Variants in NDUFS5 observed in about 807,000 individuals in gnomAD.
NDUFS5 encodes the protein NADH dehydrogenase [ubiquinone] iron-sulfur protein 5.
A neutral mutation model predicts 10.5 loss-of-function variants in NDUFS5; 7 were observed. The observed-to-expected ratio is 0.66, with a 90% CI of 0.38 to 1.25. NDUFS5 has a LOEUF of 1.25. Ranked by LOEUF, NDUFS5 falls within the 50% of genes most tolerant of loss-of-function variation. The probability of loss-of-function intolerance (pLI) is 0.02; values close to 1 mark genes in which losing one functional copy is unlikely to be tolerated. For missense variants in NDUFS5, 148 were observed against 140.7 expected (o/e 1.05, Z -0.26); for synonymous variants, 38 against 44.0 (o/e 0.86, Z 0.54).
At position 39,031,110 on chromosome 1, in the gene NDUFS5, T is replaced by C. The variant is rs551321104; in HGVS notation, c.216+2170T>C. Among the ~76,000 whole-genome samples the C allele has an allele frequency of 5.3e-5, 8 of 152,224 alleles. No individual in the cohort carries two copies. The East Asian group carries it at 1.2e-3, about 22-fold the overall frequency. The stretch of plus-strand genomic sequence containing the variant: ...ATCTCGAACTCCTGAGCTCAGGTGA[T>C]CTGCCTGCCTTGGCCTCCCAAAATG... On this transcript the variant is annotated intron_variant, in intron 2 of 2. Transcript: ENST00000372969.
At chr1:39,032,884 G>A (rs1284180276) in intron 2 of NDUFS5, among the ~76,000 whole-genome samples, 1 of 152,180 alleles carries the variant, frequency 6.6e-6, no homozygotes, top group Non-Finnish European at 1.5e-5. Flanking sequence ...TGAGCTGACT[G>A]GAGGGAGCTA....
intron 2 of NDUFS5, among the ~76,000 whole-genome samples, chr1:39,031,830 A>G (rs1451766860): frequency 2.6e-5 from 4 of 152,214 alleles, no homozygotes; most frequent in Non-Finnish European, 4.4e-5. Context: ...AGTTCTTAGC[A>G]TATTATAATG....
At chr1:39,030,663 T>A (rs998792350) in intron 2 of NDUFS5, among the ~76,000 whole-genome samples, 2 of 147,426 alleles carry the variant, frequency 1.4e-5, no homozygotes, top group Non-Finnish European at 3.0e-5. Flanking sequence ...GAGCTTGCAG[T>A]GAGTCGAGAT....
At chr1:39,030,722 GA>G (rs71057183) in intron 2 of NDUFS5, among the ~76,000 whole-genome samples, 98,847 of 141,294 alleles carry the variant, frequency 0.7, 36,190 homozygotes, top group Non-Finnish European at 0.84. Flanking sequence ...TCTGTCTCAA[GA>G]AAAAAAAAAA....
Position 39,026,405 on chromosome 1 carries a change from A to G in NDUFS5, c.-3+3A>G, listed in dbSNP as rs968849917. On this transcript the variant is annotated splice_donor_region_variant and intron_variant, in intron 1 of 2. Coordinates refer to ENST00000372969, the MANE Select transcript of NDUFS5 (RefSeq NM_004552.3). The stretch of plus-strand genomic sequence containing the variant: ...TCAAGGGCACGAGCATCGGGTAGGT[A>G]GGGGCTGCTTATGTCCGCGCGGCAG... 6.6e-6 allele frequency: 1 copy of G among 152,190 alleles called. No individual in the cohort carries two copies. Among genetic ancestry groups the G allele is most frequent in the Non-Finnish European group, 1.5e-5 (1 of 68,080 alleles). 9.4% of individuals were successfully genotyped at this position (152,190 alleles called of 1,614,324 possible). A position where few individuals can be genotyped will look rare whatever the true frequency, so the allele number is the denominator to read the frequency against.
At position 39,034,547 on chromosome 1, in the gene NDUFS5, C is replaced by T; in HGVS notation, c.*51C>T. ...GCTGATTTTCCTGTTCTCTGTTCTC[C>T]ACTGGAAAGGTTGTTTACGACAAAC... On this transcript the variant is annotated 3_prime_UTR_variant, in exon 3 of 3. Transcript: ENST00000372969. 1.3e-6 allele frequency: 2 copies of T among 1,507,720 alleles called. No homozygotes were observed. Among genetic ancestry groups the T allele is most frequent in the Non-Finnish European group, 1.8e-6 (2 of 1,085,158 alleles). 93.4% of individuals were successfully genotyped at this position (1,507,720 alleles called of 1,614,324 possible). A position where few individuals can be genotyped will look rare whatever the true frequency, so the allele number is the denominator to read the frequency against.
At chr1:39,033,989 C>T (rs1490422137) in intron 2 of NDUFS5, among the ~76,000 whole-genome samples, 1 of 151,728 alleles carries the variant, frequency 6.6e-6, no homozygotes, top group African/African-American at 2.4e-5. Flanking sequence ...TTAGTAGAAA[C>T]AAGGTTTTAC....
rs371689311 is a variant in NDUFS5, at chr1:39,034,523, C to T, written c.*27C>T. 1.8e-4 allele frequency: 292 copies of T among 1,589,208 alleles called. No individual in the cohort carries two copies. Among genetic ancestry groups the T allele is most frequent in the Non-Finnish European group, 1.6e-4 (184 of 1,157,902 alleles). ...CAGAGCAGCTGCTGATGTCTGGAGGCTGATTTTCCTGTTCTCTGTTCTCCA... is the reference window on the plus strand; with the variant it reads ...CAGAGCAGCTGCTGATGTCTGGAGGTTGATTTTCCTGTTCTCTGTTCTCCA... On this transcript the variant is annotated 3_prime_UTR_variant, in exon 3 of 3. Transcript: ENST00000372969.
intron 2 of NDUFS5, among the ~76,000 whole-genome samples, chr1:39,034,002 T>C (rs1194523779): frequency 1.3e-5 from 2 of 151,722 alleles, no homozygotes; most frequent in African/African-American, 2.4e-5. Context: ...GGTTTTACCT[T>C]GTTGGCCAGT....
chr1:39,030,844 G>T (rs1644185982), intron 2 of NDUFS5, among the ~76,000 whole-genome samples: 1 of 152,154 alleles, frequency 6.6e-6, no homozygotes, highest in Non-Finnish European at 1.5e-5. Flanking sequence ...TGCTGGTTCT[G>T]CCACCACTCA....
At chr1:39,028,553 A>G (rs556952486) in intron 1 of NDUFS5, among the ~76,000 whole-genome samples, 170 bp from the exon 2 acceptor site, 1 of 152,226 alleles carries the variant, frequency 6.6e-6, no homozygotes, top group Non-Finnish European at 1.5e-5. Context: ...CATAAACTGG[A>G]AGAACCTATT....
intron 1 of NDUFS5, among the ~76,000 whole-genome samples, chr1:39,026,788 T>TC (rs1354944851): frequency 1.3e-5 from 2 of 152,202 alleles, no homozygotes; most frequent in Non-Finnish European, 2.9e-5. Flanking sequence ...AGCCAGCACT[T>TC]CCGGCTGTAA....
In NDUFS5 at chr1:39,028,805, C is replaced by A. The variant is rs372007959; in HGVS notation, c.81C>A (p.Tyr27Ter). The A allele has an allele frequency of 6.2e-7, 1 of 1,613,906 alleles. No homozygotes were observed. Among genetic ancestry groups the A allele is most frequent in the African/African-American group, 1.3e-5 (1 of 74,888 alleles). The change falls in exon 2 of 3, where the codon TAC becomes TAA. Residue 27 changes from tyrosine to a stop codon, truncating the protein, a stop_gained. Transcript: ENST00000372969. LOFTEE classifies it high-confidence loss of function. ...CAATCCAGAGTGGTGAACAGCCCTACAAGATGGCTGGTCGATGCCATGCTT... is the reference window on the plus strand; with the variant it reads ...CAATCCAGAGTGGTGAACAGCCCTAAAAGATGGCTGGTCGATGCCATGCTT... ...WLTIQSGEQP[Y>*]KMAGRCHAFE...
chr1:39,029,902 C>A (rs1358205538), intron 2 of NDUFS5, among the ~76,000 whole-genome samples: 1 of 151,848 alleles, frequency 6.6e-6, no homozygotes, highest in Non-Finnish European at 1.5e-5. Flanking sequence ...ACCAGCCTGG[C>A]CAAGATGGTG....
intron 1 of NDUFS5, among the ~76,000 whole-genome samples, chr1:39,027,173 C>T (rs978518552): frequency 6.6e-6 from 1 of 152,142 alleles, no homozygotes; most frequent in African/African-American, 2.4e-5. Context: ...CGGATTCAAG[C>T]GATTCTCCTC....
chr1:39,028,724 C>T lies in NDUFS5; in HGVS notation c.-1C>T, dbSNP rs1209939228. 3 of 1,613,694 alleles carry T rather than the reference C, an allele frequency of 1.9e-6. No individual in the cohort carries two copies. In the African/African-American group the frequency reaches 4.0e-5, roughly 22 times the overall value. ...ATTTTTTTAAATCTTCCATTACAGC[C>T]ATGCCTTTCTTGGACATCCAGAAAA... On this transcript the variant is annotated splice_region_variant and 5_prime_UTR_variant, in exon 2 of 3. Transcript: ENST00000372969.
chr1:39,032,998 G>A (rs1644200109), intron 2 of NDUFS5, among the ~76,000 whole-genome samples: 1 of 152,158 alleles, frequency 6.6e-6, no homozygotes, highest in African/African-American at 2.4e-5. Flanking sequence ...TTTGAGCAGA[G>A]GAATAATGTG....
At chr1:39,029,071 T>C (rs1644172808) in intron 2 of NDUFS5, 131 bp downstream of exon 2, 1 of 804,322 alleles carries the variant, frequency 1.2e-6, no homozygotes, top group Non-Finnish European at 1.9e-6. Context: ...CGTCTCACTG[T>C]AGCCTCTGCC....
At chr1:39,026,600 T>C (rs182218041) in intron 1 of NDUFS5, among the ~76,000 whole-genome samples, 198 bp downstream of exon 1, 1 of 152,322 alleles carries the variant, frequency 6.6e-6, no homozygotes, top group Non-Finnish European at 1.5e-5. Flanking sequence ...CTCTCCACTT[T>C]CCACATTTGT....
Sources: gnomAD v4.1 joint callset for allele counts (sites outside exome capture counted in the v4.1 genomes callset) on GRCh38, gnomAD v4.1.1 for gene constraint, MANE v1.5 for transcripts, NCBI Gene and HGNC (gene_info 2026-07-23, HGNC 2026-07-21) for gene names.